ATRNL1: variants seen among roughly 807,000 people sequenced by gnomAD.
ATRNL1 encodes the protein attractin-like protein 1.
Under a neutral mutation model 182.7 loss-of-function variants are expected in ATRNL1, and 95 were observed. The observed-to-expected ratio is 0.52, with a 90% confidence interval of 0.44 to 0.62. ATRNL1 has a LOEUF of 0.62. ATRNL1 is among the 20% of genes least tolerant of loss of function. The pLI is 0.00. For missense variants in ATRNL1, 1,471 were observed against 1,679.5 expected (o/e 0.88, Z 2.17); for synonymous variants, 576 against 568.3 (o/e 1.01, Z -0.19).
rs568648847 is a variant in ATRNL1, at chr10:115,280,163, C to G, written c.2101-1192C>G. Among the ~76,000 whole-genome samples, 3 of 152,200 alleles carry G rather than the reference C, an allele frequency of 2.0e-5. No individual in the cohort carries two copies. In the East Asian group the frequency reaches 5.8e-4, roughly 29 times the overall value. ...GGTTTTGACTACTGTCAGATTTAAA[C>G]GAAGAACCTGATGTGTGAAGCTAAA... is the stretch of plus-strand genomic sequence containing the variant. On this transcript the variant is annotated intron_variant, in intron 13 of 28. Coordinates refer to ENST00000355044, the MANE Select transcript of ATRNL1 (RefSeq NM_207303.4).
intron 26 of ATRNL1, among the ~76,000 whole-genome samples, chr10:115,577,026 G>A (rs1854758028): frequency 6.6e-6 from 1 of 151,700 alleles, no homozygotes; most frequent in Non-Finnish European, 1.5e-5. Context: ...TGGCCTTGTG[G>A]AAAATAACTT....
chr10:115,761,771 T>G (rs12770008), intron 27 of ATRNL1, among the ~76,000 whole-genome samples: 2 of 152,158 alleles, frequency 1.3e-5, no homozygotes, highest in South Asian at 2.1e-4. Context: ...GTTAATTCAG[T>G]TCTTTGAACT....
chr10:115,140,621 C>G (rs1845718970), intron 5 of ATRNL1, among the ~76,000 whole-genome samples: 1 of 152,120 alleles, frequency 6.6e-6, no homozygotes, highest in South Asian at 2.1e-4. Flanking sequence ...TGTTCCTGTT[C>G]CTTTTCTATT....
At chr10:115,566,188 G>C (rs750818484) in intron 26 of ATRNL1, among the ~76,000 whole-genome samples, 1 of 151,946 alleles carries the variant, frequency 6.6e-6, no homozygotes, top group Non-Finnish European at 1.5e-5. Flanking sequence ...TTCTACCTCA[G>C]CTTCCCAAAT....
chr10:115,170,964 C>G, intron 7 of ATRNL1, 73 bp from the exon 8 acceptor site: 1 of 918,054 alleles, frequency 1.1e-6, no homozygotes, highest in Non-Finnish European at 1.5e-6. Context: ...GTAAATTTAA[C>G]CTTTATTTTT....
intron 24 of ATRNL1, 30 bp from the exon 25 acceptor site, chr10:115,519,233 C>T (rs1554984589): frequency 3.2e-6 from 5 of 1,576,004 alleles, no homozygotes; most frequent in East Asian, 2.3e-5. Flanking sequence ...GAAGAACATA[C>T]TTTCAATTTT....
chr10:115,336,524 T>C (rs1396549855), intron 19 of ATRNL1, among the ~76,000 whole-genome samples: 1 of 152,208 alleles, frequency 6.6e-6, no homozygotes, highest in Admixed American at 6.5e-5. Context: ...AATGTATTGA[T>C]TGCATAATTT....
At chr10:115,223,241 G>A (rs368106139) in intron 9 of ATRNL1, among the ~76,000 whole-genome samples, 65 of 152,226 alleles carry the variant, frequency 4.3e-4, no homozygotes, top group African/African-American at 1.5e-3. Flanking sequence ...AGATCGCATC[G>A]CTGGACTCCA....
intron 26 of ATRNL1, among the ~76,000 whole-genome samples, chr10:115,646,975 TGG>T: frequency 1.1e-5 from 1 of 94,688 alleles, no homozygotes; most frequent in African/African-American, 4.2e-5. Context: ...CAACAGGCCC[TGG>T]TGTGTGATGT....
intron 26 of ATRNL1, among the ~76,000 whole-genome samples, chr10:115,673,859 C>T (rs74158244): frequency 3.3e-5 from 5 of 152,100 alleles, no homozygotes; most frequent in African/African-American, 7.2e-5. Context: ...GATCAGAAGA[C>T]GTGTAGCTTC....
chr10:115,896,601 A>G (rs1221858419), intron 28 of ATRNL1, among the ~76,000 whole-genome samples: 6 of 152,208 alleles, frequency 3.9e-5, no homozygotes, highest in South Asian at 2.1e-4. Flanking sequence ...ACATAAAACT[A>G]TAGAGATTAA....
intron 1 of ATRNL1, among the ~76,000 whole-genome samples, chr10:115,114,538 A>G (rs1305303039): frequency 6.6e-6 from 1 of 152,190 alleles, no homozygotes; most frequent in Non-Finnish European, 1.5e-5. Context: ...AAATCATTCA[A>G]TAACAAGAAA....
chr10:115,356,238 G>A (rs2134140519), intron 19 of ATRNL1, among the ~76,000 whole-genome samples: 1 of 152,214 alleles, frequency 6.6e-6, no homozygotes, highest in South Asian at 2.1e-4. Context: ...CTTAAAATAA[G>A]TGTAGGAAGC....
At chr10:115,336,856 T>G (rs551236055) in intron 19 of ATRNL1, among the ~76,000 whole-genome samples, 2 of 151,442 alleles carry the variant, frequency 1.3e-5, no homozygotes, top group African/African-American at 2.4e-5. Flanking sequence ...TTTTTTTCTT[T>G]TTTTTTTTAG....
chr10:115,566,491 TA>T (rs1358022431), intron 26 of ATRNL1, among the ~76,000 whole-genome samples: 3 of 152,186 alleles, frequency 2.0e-5, no homozygotes, highest in Admixed American at 2.0e-4. Context: ...ATAAGTTGCA[TA>T]AAATTGTTTT....
intron 28 of ATRNL1, among the ~76,000 whole-genome samples, chr10:115,872,504 AG>A (rs1951607998): frequency 6.6e-6 from 1 of 152,222 alleles, no homozygotes. Flanking sequence ...GGACAAAAAA[AG>A]TGAGAGCTCA....
At chr10:115,506,578 CTCCATAAAGGAGTTATCTGCCTTTCA>C (rs782401322) in intron 24 of ATRNL1, among the ~76,000 whole-genome samples, 2 of 152,054 alleles carry the variant, frequency 1.3e-5, no homozygotes, top group Non-Finnish European at 2.9e-5. Flanking sequence ...TGAGCTCAAA[CTCCATAAAGGAGTTATCTGCCTTTCA>C]TCATCATGGA....
intron 27 of ATRNL1, among the ~76,000 whole-genome samples, chr10:115,802,556 C>T (rs1340039023): frequency 6.6e-6 from 1 of 152,200 alleles, no homozygotes; most frequent in Non-Finnish European, 1.5e-5. Flanking sequence ...TATTTTCTCT[C>T]TGGCATTTAG....
At chr10:115,731,944 C>T (rs1157828174) in intron 27 of ATRNL1, among the ~76,000 whole-genome samples, 1 of 151,396 alleles carries the variant, frequency 6.6e-6, no homozygotes, top group Non-Finnish European at 1.5e-5. Context: ...TAGCTTCTTT[C>T]GCTTAGCATA....
Sources: gnomAD v4.1 joint callset for allele counts (sites outside exome capture counted in the v4.1 genomes callset) on GRCh38, gnomAD v4.1.1 for gene constraint, MANE v1.5 for transcripts, NCBI Gene and HGNC (gene_info 2026-07-23, HGNC 2026-07-21) for gene names.